Variants in DCLK1 observed in about 807,000 individuals in gnomAD.
DCLK1 encodes the protein serine/threonine-protein kinase DCLK1.
Under a neutral mutation model 86.2 loss-of-function variants are expected in DCLK1, and 16 were observed. The observed-to-expected ratio is 0.19, with a 90% CI of 0.13 to 0.28. The LOEUF (loss-of-function observed/expected upper bound fraction) is 0.28, where lower values mean the gene tolerates loss of function less well. DCLK1 is among the 10% of genes least tolerant of loss of function. The probability of loss-of-function intolerance (pLI) is 1.00; values close to 1 mark genes in which losing one functional copy is unlikely to be tolerated. For synonymous variants in DCLK1, 369 were observed against 370.5 expected (o/e 1.00, Z 0.05); for missense variants, 590 against 940.2 (o/e 0.63, Z 4.87).
chr13:35,840,938 T>C (rs1869750354), intron 6 of DCLK1, among the ~76,000 whole-genome samples: 1 of 152,242 alleles, frequency 6.6e-6, no homozygotes. Flanking sequence ...TAACCACATT[T>C]GAGGGGAAGG....
intron 3 of DCLK1, among the ~76,000 whole-genome samples, chr13:36,014,998 CTCTCTT>C (rs1209734789): frequency 5.8e-4 from 15 of 26,056 alleles, no homozygotes; most frequent in Admixed American, 2.0e-3. Context: ...CTCTCTCTCT[CTCTCTT>C]TCTCTCTCTC....
chr13:35,808,256 G>C lies in DCLK1; in HGVS notation c.1831C>G (p.Pro611Ala), dbSNP rs1485826598. 1 of 1,614,032 alleles carries C rather than the reference G, an allele frequency of 6.2e-7. No homozygotes were observed. Among genetic ancestry groups the C allele is most frequent in the Non-Finnish European group, 8.5e-7 (1 of 1,179,966 alleles). The change falls in exon 14 of 17, where the codon CCA (proline) becomes GCA (alanine). Residue 611 changes from proline to alanine, a missense_variant. Physicochemically the swap from Pro to Ala is conservative, Grantham distance 27. Around this residue, in one of 6 missense-constraint regions of DCLK1, gnomAD observed 146 missense variants for 190.2 expected, o/e 0.77. Transcript: ENST00000360631. ...GAATCGGAAACATTATCCCAGTATGGAGAAGGAAAGTCCACCTGCCCCATC... is the reference window on the plus strand; with the variant it reads ...GAATCGGAAACATTATCCCAGTATGCAGAAGGAAAGTCCACCTGCCCCATC... ...ILMGQVDFPS[P>A]YWDNVSDSAK...
chr13:35,822,353 G>C (rs1926453), intron 11 of DCLK1, among the ~76,000 whole-genome samples: 29,897 of 151,990 alleles, frequency 0.2, 3,703 homozygotes, highest in East Asian at 0.4. Flanking sequence ...AGAGATGGGG[G>C]TCTCACTATG....
chr13:35,936,999 T>G (rs1209189193), intron 4 of DCLK1, among the ~76,000 whole-genome samples: 2 of 135,756 alleles, frequency 1.5e-5, no homozygotes, highest in Non-Finnish European at 3.1e-5. Context: ...AGACGGAGTC[T>G]CTCTCTGTTG....
At chr13:35,901,793 A>G (rs1018598684) in intron 4 of DCLK1, among the ~76,000 whole-genome samples, 1 of 152,136 alleles carries the variant, frequency 6.6e-6, no homozygotes, top group African/African-American at 2.4e-5. Context: ...CTGAACACCA[A>G]GGAGGGGACT....
rs746217535 is a variant in DCLK1, at chr13:35,770,731, G to A, written c.*3804C>T. 23 of 152,162 alleles carry A rather than the reference G, an allele frequency of 1.5e-4. No individual in the cohort carries two copies. Among genetic ancestry groups the A allele is most frequent in the Admixed American group, 1.1e-3 (17 of 15,284 alleles). The allele number at this position is 152,162 out of a possible 1,614,324, so 9.4% of individuals were successfully genotyped here. On this transcript the variant is annotated 3_prime_UTR_variant, in exon 17 of 17. Coordinates refer to ENST00000360631, the MANE Select transcript of DCLK1 (RefSeq NM_001330071.2). Reference sequence around the variant, plus strand: ...CCCATTAAATTTAAAAAATGTGTGCGAATGAGTAACTACATTAAAACTACC... The same window carrying A: ...CCCATTAAATTTAAAAAATGTGTGCAAATGAGTAACTACATTAAAACTACC...
chr13:35,893,975 G>A (rs962150750), intron 4 of DCLK1, among the ~76,000 whole-genome samples: 2 of 152,128 alleles, frequency 1.3e-5, no homozygotes, highest in African/African-American at 2.4e-5. Context: ...CAACATACAT[G>A]AACTTTGTAT....
At chr13:36,112,688 C>T (rs1030638264) in intron 2 of DCLK1, among the ~76,000 whole-genome samples, 3 of 152,140 alleles carry the variant, frequency 2.0e-5, no homozygotes, top group African/African-American at 7.2e-5. Flanking sequence ...AGAGTTGATG[C>T]TAAAGATTTT....
chr13:36,069,546 C>A (rs927423174), intron 3 of DCLK1, among the ~76,000 whole-genome samples: 1 of 152,170 alleles, frequency 6.6e-6, no homozygotes, highest in Non-Finnish European at 1.5e-5. Flanking sequence ...CAGGAAATGA[C>A]CTGCTTCATC....
intron 4 of DCLK1, among the ~76,000 whole-genome samples, chr13:35,909,531 G>A (rs1408367638): frequency 6.7e-6 from 1 of 150,372 alleles, no homozygotes; most frequent in Non-Finnish European, 1.5e-5. Context: ...GATTTTGTAT[G>A]CAATGAGAAA....
intron 3 of DCLK1, among the ~76,000 whole-genome samples, chr13:36,090,444 G>A (rs1566677022): frequency 6.6e-6 from 1 of 152,138 alleles, no homozygotes; most frequent in Non-Finnish European, 1.5e-5. Flanking sequence ...TGGAGAACTG[G>A]GACTTAGGGT....
intron 4 of DCLK1, among the ~76,000 whole-genome samples, chr13:35,889,089 C>A (rs924113919): frequency 6.6e-6 from 1 of 152,088 alleles, no homozygotes; most frequent in African/African-American, 2.4e-5. Flanking sequence ...TCTTCTTTCT[C>A]TCTGGAATAT....
intron 5 of DCLK1, among the ~76,000 whole-genome samples, chr13:35,862,066 A>C (rs2153112541): frequency 6.7e-6 from 1 of 149,474 alleles, no homozygotes; most frequent in African/African-American, 2.5e-5. Flanking sequence ...AGAAATGCAG[A>C]CTTCCCTCCC....
chr13:35,902,210 G>C (rs1329230323), intron 4 of DCLK1, among the ~76,000 whole-genome samples: 2 of 152,212 alleles, frequency 1.3e-5, no homozygotes, highest in African/African-American at 4.8e-5. Flanking sequence ...CACAGTTAAA[G>C]GGTTGGAAAG....
intron 2 of DCLK1, among the ~76,000 whole-genome samples, chr13:36,112,871 T>C (rs937704255): frequency 2.0e-5 from 3 of 152,198 alleles, no homozygotes; most frequent in African/African-American, 4.8e-5. Flanking sequence ...AAATGGGCTC[T>C]AAAATAAATA....
At chr13:35,833,617 T>C (rs1244497391) in intron 8 of DCLK1, among the ~76,000 whole-genome samples, 2 of 152,190 alleles carry the variant, frequency 1.3e-5, no homozygotes, top group Non-Finnish European at 2.9e-5. Context: ...GTGTCCATTG[T>C]TGTAGACAAA....
intron 11 of DCLK1, among the ~76,000 whole-genome samples, chr13:35,816,366 A>T (rs1002145254): frequency 4.6e-5 from 7 of 152,138 alleles, no homozygotes; most frequent in African/African-American, 1.4e-4. Context: ...TTTCCATTGA[A>T]CAACATATCC....
chr13:35,810,981 TA>T lies in DCLK1; in HGVS notation c.1555-14del, dbSNP rs1174974455. On this transcript the variant is annotated splice_polypyrimidine_tract_variant and intron_variant, in intron 11 of 16. Coordinates refer to ENST00000360631, the MANE Select transcript of DCLK1 (RefSeq NM_001330071.2). ...GGTGCTCATACACCTAAAACAAAGG[TA>T]AAAATCACAATTGTCTGAAAACCAA... 3 of 1,612,986 alleles carry T rather than the reference TA, an allele frequency of 1.9e-6. No homozygotes were observed. In the Admixed American group the frequency reaches 5.0e-5, roughly 27 times the overall value.
At chr13:35,835,527 C>T (rs532798842) in intron 8 of DCLK1, among the ~76,000 whole-genome samples, 1 of 152,310 alleles carries the variant, frequency 6.6e-6, no homozygotes, top group Admixed American at 6.5e-5. Flanking sequence ...AAACCCTTCC[C>T]TTTGGGCCAC....
Sources: allele counts gnomAD v4.1 joint callset (sites outside exome capture counted in the v4.1 genomes callset), GRCh38; gene constraint gnomAD v4.1.1; regional missense constraint gnomAD v4.1.1; transcripts MANE v1.5; gene names NCBI Gene and HGNC (gene_info 2026-07-23, HGNC 2026-07-21).